RBFOX1: variants seen among roughly 807,000 people sequenced by gnomAD.
RBFOX1 encodes RNA binding protein fox-1 homolog 1.
RBFOX1 carries 8 observed loss-of-function variants against 57.7 expected under a neutral mutation model. That is an observed-to-expected ratio of 0.14 (90% CI 0.08 to 0.25). The LOEUF (loss-of-function observed/expected upper bound fraction) is 0.25, where lower values mean the gene tolerates loss of function less well. RBFOX1 is among the 10% of genes least tolerant of loss of function. The pLI, the probability that RBFOX1 is intolerant of heterozygous loss-of-function variation, is 1.00. For missense variants in RBFOX1, 611 were observed against 548.5 expected (o/e 1.11, Z -1.14); for synonymous variants, 326 against 222.4 (o/e 1.47, Z -4.15).
At chr16:6,409,133 C>G (rs962497093) in intron 2 of RBFOX1, among the ~76,000 whole-genome samples, 5 of 152,174 alleles carry the variant, frequency 3.3e-5, no homozygotes, top group Non-Finnish European at 7.3e-5. Flanking sequence ...TAAAAGTTTA[C>G]TGTCTGGACG....
At chr16:5,654,602 T>A (rs2049362943) in intron 3 of RBFOX1, among the ~76,000 whole-genome samples, 1 of 152,152 alleles carries the variant, frequency 6.6e-6, no homozygotes, top group Non-Finnish European at 1.5e-5. Flanking sequence ...TGTTCGTTTC[T>A]CATCCAGCCC....
At chr16:7,522,727 T>C (rs1470692290) in intron 5 of RBFOX1, among the ~76,000 whole-genome samples, 1 of 152,052 alleles carries the variant, frequency 6.6e-6, no homozygotes, top group Non-Finnish European at 1.5e-5. Context: ...TAGGGAATAA[T>C]GGTGCAGGAA....
At chr16:6,949,347 C>A (rs116192892) in intron 3 of RBFOX1, among the ~76,000 whole-genome samples, 1 of 152,180 alleles carries the variant, frequency 6.6e-6, no homozygotes, top group Non-Finnish European at 1.5e-5. Flanking sequence ...TGTTCCTTCC[C>A]TTCAGTGAAA....
At chr16:6,700,823 C>T (rs566110977) in intron 3 of RBFOX1, among the ~76,000 whole-genome samples, 2 of 152,182 alleles carry the variant, frequency 1.3e-5, no homozygotes, top group East Asian at 1.9e-4. Flanking sequence ...TGGTTCATGA[C>T]ATATAGAATT....
chr16:7,382,208 G>C (rs1006079775), intron 4 of RBFOX1, among the ~76,000 whole-genome samples: 1 of 152,104 alleles, frequency 6.6e-6, no homozygotes, highest in Non-Finnish European at 1.5e-5. Flanking sequence ...CTCCATTTCA[G>C]TAAACTAATT....
chr16:7,543,015 C>T (rs1023264455), intron 5 of RBFOX1, among the ~76,000 whole-genome samples: 16 of 152,144 alleles, frequency 1.1e-4, no homozygotes, highest in Non-Finnish European at 2.4e-4. Context: ...CTCTAGGTTG[C>T]ATCTCAGTGA....
chr16:5,899,894 T>G (rs2058265212), intron 4 of RBFOX1, among the ~76,000 whole-genome samples: 1 of 152,150 alleles, frequency 6.6e-6, no homozygotes, highest in Admixed American at 6.5e-5. Context: ...GGCAACATGG[T>G]GCAACCCTGT....
Position 7,478,269 on chromosome 16 carries a change from A to G in RBFOX1, c.28-39878A>G, listed in dbSNP as rs1353886428. On this transcript the variant is annotated intron_variant, in intron 4 of 15. Transcript: ENST00000550418. The stretch of plus-strand genomic sequence containing the variant: ...GACAGAACTATCATTGCGTAGAATG[A>G]AGAGAACACAAAGAGGGCAGAGAGT... 2.0e-5 allele frequency among the ~76,000 whole-genome samples: 3 copies of G among 152,238 alleles called. No homozygotes were observed. The East Asian group carries it at 5.8e-4, about 29-fold the overall frequency.
intron 3 of RBFOX1, among the ~76,000 whole-genome samples, chr16:6,656,599 G>GAC (rs60723864): frequency 0.25 from 36,702 of 146,262 alleles, 5,430 homozygotes; most frequent in Middle Eastern, 0.36. Context: ...GGGGAAAATA[G>GAC]ACACACACAC....
chr16:7,034,766 G>A (rs539695938), intron 3 of RBFOX1, among the ~76,000 whole-genome samples: 138 of 150,202 alleles, frequency 9.2e-4, no homozygotes, highest in African/African-American at 3.3e-3. Context: ...TGGGGGAGGG[G>A]TCTCAGAAAA....
chr16:6,020,770 C>T (rs953960982), intron 1 of RBFOX1, among the ~76,000 whole-genome samples: 2 of 152,154 alleles, frequency 1.3e-5, no homozygotes, highest in East Asian at 1.9e-4. Flanking sequence ...AGTGGGGCGC[C>T]GCTCCCATCT....
chr16:5,761,277 C>G (rs1268603121), intron 3 of RBFOX1, among the ~76,000 whole-genome samples: 2 of 152,142 alleles, frequency 1.3e-5, no homozygotes, highest in Non-Finnish European at 2.9e-5. Context: ...GGTGGGATCA[C>G]CTTCAGAATG....
chr16:6,828,396 G>C (rs771110242), intron 3 of RBFOX1, among the ~76,000 whole-genome samples: 12 of 151,910 alleles, frequency 7.9e-5, no homozygotes, highest in Non-Finnish European at 1.8e-4. Flanking sequence ...TGGTGACACA[G>C]GCCTTTAGAC....
chr16:5,949,107 G>C (rs961860166), intron 4 of RBFOX1, among the ~76,000 whole-genome samples: 9 of 152,004 alleles, frequency 5.9e-5, no homozygotes, highest in Non-Finnish European at 8.8e-5. Context: ...CCAACTACTA[G>C]AGTCTGTATC....
chr16:6,237,609 G>C (rs1203081357), intron 1 of RBFOX1, among the ~76,000 whole-genome samples: 2 of 151,988 alleles, frequency 1.3e-5, no homozygotes, highest in Non-Finnish European at 2.9e-5. Context: ...GGGCGTGGTG[G>C]TGAGAGCCTG....
chr16:5,885,458 G>C (rs1338672463), intron 4 of RBFOX1, among the ~76,000 whole-genome samples: 2 of 152,078 alleles, frequency 1.3e-5, no homozygotes, highest in African/African-American at 4.8e-5. Flanking sequence ...AAACATGTTA[G>C]CTAAAATGTG....
At chr16:6,726,499 T>C (rs1173370509) in intron 3 of RBFOX1, among the ~76,000 whole-genome samples, 1 of 152,026 alleles carries the variant, frequency 6.6e-6, no homozygotes, top group African/African-American at 2.4e-5. Flanking sequence ...GAACTATCAC[T>C]AGATAAACTG....
intron 3 of RBFOX1, among the ~76,000 whole-genome samples, chr16:6,706,640 G>A (rs1447177705): frequency 6.6e-6 from 1 of 151,820 alleles, no homozygotes; most frequent in African/African-American, 2.4e-5. Flanking sequence ...TGGCCTTTCT[G>A]AAGGGCAACA....
At chr16:5,578,841 A>ACACCC (rs1488617272) in intron 2 of RBFOX1, among the ~76,000 whole-genome samples, 2 of 89,668 alleles carry the variant, frequency 2.2e-5, no homozygotes, top group African/African-American at 8.4e-5. Context: ...ACACACACAC[A>ACACCC]CCCTTTTTTT....
Sources: allele counts gnomAD v4.1 joint callset (sites outside exome capture counted in the v4.1 genomes callset), GRCh38; gene constraint gnomAD v4.1.1; transcripts MANE v1.5; gene names NCBI Gene and HGNC (gene_info 2026-07-23, HGNC 2026-07-21).